WDPCP: variants seen among roughly 807,000 people sequenced by gnomAD.
The protein encoded by WDPCP is WD repeat containing planar cell polarity effector.
Under a neutral mutation model 93.1 loss-of-function variants are expected in WDPCP, and 71 were observed. The ratio of observed to expected loss-of-function variants is 0.76; its 90% CI spans 0.63 to 0.93. The LOEUF (loss-of-function observed/expected upper bound fraction) is 0.93. WDPCP is among the 40% of genes least tolerant of loss of function. The probability of loss-of-function intolerance (pLI) is 0.00; values close to 1 mark genes in which losing one functional copy is unlikely to be tolerated. For synonymous variants in WDPCP, 315 were observed against 315.0 expected, an observed-to-expected ratio of 1.00 and a Z score of 0.00; for missense variants, 844 against 887.4, an observed-to-expected ratio of 0.95 and a Z score of 0.62.
chr2:63,285,671 A>G (rs1248243857), intron 13 of WDPCP, among the ~76,000 whole-genome samples: 1 of 152,198 alleles, frequency 6.6e-6, no homozygotes, highest in African/African-American at 2.4e-5. Flanking sequence ...GGAAAAAGCC[A>G]TTTCATGAAA....
chr2:63,495,065 T>C (rs1356992459), intron 1 of WDPCP, among the ~76,000 whole-genome samples: 1 of 152,122 alleles, frequency 6.6e-6, no homozygotes, highest in African/African-American at 2.4e-5. Context: ...ATTTACTTTC[T>C]TCCGTGCATT....
intron 12 of WDPCP, among the ~76,000 whole-genome samples, chr2:63,331,501 C>T (rs927330075): frequency 1.3e-5 from 2 of 151,990 alleles, no homozygotes; most frequent in African/African-American, 2.4e-5. Context: ...AAAGATATCT[C>T]GAATGTTTTA....
At chr2:63,206,975 C>T (rs1676388792) in intron 14 of WDPCP, among the ~76,000 whole-genome samples, 1 of 152,104 alleles carries the variant, frequency 6.6e-6, no homozygotes, top group African/African-American at 2.4e-5. Context: ...CCATTAAAAA[C>T]TAATTCTCCT....
At chr2:63,126,667 T>TG (rs71410987) in intron 17 of WDPCP, among the ~76,000 whole-genome samples, 4 of 82,964 alleles carry the variant, frequency 4.8e-5, no homozygotes, top group African/African-American at 1.7e-4. Context: ...TTGTTTTGTG[T>TG]TTTTTTTTTT....
intron 2 of WDPCP, among the ~76,000 whole-genome samples, chr2:63,489,907 A>G (rs1700775605): frequency 6.6e-6 from 1 of 152,096 alleles, no homozygotes; most frequent in African/African-American, 2.4e-5. Context: ...GGAGAAGCCG[A>G]GCAGACACTA....
intron 12 of WDPCP, among the ~76,000 whole-genome samples, chr2:63,339,268 G>A (rs1688670352): frequency 1.3e-5 from 2 of 152,176 alleles, no homozygotes; most frequent in East Asian, 3.9e-4. Context: ...CTGCCTCCCG[G>A]GTTCAAGCAA....
At chr2:63,320,473 T>A (rs941616945) in intron 12 of WDPCP, among the ~76,000 whole-genome samples, 4 of 152,044 alleles carry the variant, frequency 2.6e-5, no homozygotes, top group Non-Finnish European at 5.9e-5. Flanking sequence ...AAAGCAAAAA[T>A]TATAACATTT....
chr2:63,393,802 T>G (rs1693485308), intron 10 of WDPCP, among the ~76,000 whole-genome samples: 1 of 151,474 alleles, frequency 6.6e-6, no homozygotes, highest in African/African-American at 2.4e-5. Flanking sequence ...CTTGACAAAG[T>G]CAACAAAAAC....
chr2:63,728,168 AAGTT>A (rs1429623266), intron 2 of WDPCP, among the ~76,000 whole-genome samples: 4 of 152,214 alleles, frequency 2.6e-5, no homozygotes, highest in Non-Finnish European at 4.4e-5. Context: ...AAGAAAAAAG[AAGTT>A]AGAGGAAGAT....
At chr2:63,263,166 T>C (rs1373727809) in intron 13 of WDPCP, among the ~76,000 whole-genome samples, 1 of 152,218 alleles carries the variant, frequency 6.6e-6, no homozygotes, top group East Asian at 1.9e-4. Flanking sequence ...AGTATCTATA[T>C]CACCTCTCAA....
chr2:63,202,635 C>T (rs949583693), intron 14 of WDPCP, among the ~76,000 whole-genome samples: 3 of 152,104 alleles, frequency 2.0e-5, no homozygotes, highest in Non-Finnish European at 4.4e-5. Context: ...AAAGCTGTTG[C>T]TGTGTTATTA....
At position 63,145,396 on chromosome 2, in the gene WDPCP, T is replaced by C. The variant is rs954938846; in HGVS notation, c.2190+7518A>G. Among the ~76,000 whole-genome samples the C allele has an allele frequency of 3.0e-4, 46 of 152,064 alleles. 1 individual carries two copies. The highest frequency in any genetic ancestry group is 8.8e-5 in the Non-Finnish European group (6 of 67,996). On this transcript the variant is annotated intron_variant, in intron 17 of 17. Transcript: ENST00000272321. ...TCAGGTGGGGGTGGGGCTAGGCATG[T>C]CTGAGCTCAGACTCTCCTTGGGCAG...
intron 2 of WDPCP, among the ~76,000 whole-genome samples, chr2:63,683,359 A>G (rs900201968): frequency 6.6e-6 from 1 of 152,238 alleles, no homozygotes; most frequent in Non-Finnish European, 1.5e-5. Context: ...AACACATTTC[A>G]TCTATAAAGA....
chr2:63,460,402 G>A lies in WDPCP; in HGVS notation c.385-20531C>T, dbSNP rs1476736122. ...TTAGATAGAAGAAATAAGTTATAAT[G>A]TTTGATAGCAGAATAGGATGACTAT... On this transcript the variant is annotated intron_variant, in intron 6 of 17. Transcript: ENST00000272321. Among the ~76,000 whole-genome samples the A allele has an allele frequency of 3.3e-5, 5 of 152,272 alleles. No individual in the cohort carries two copies. In the East Asian group the frequency reaches 9.6e-4, roughly 29 times the overall value.
At chr2:63,201,389 G>A (rs553613397) in intron 14 of WDPCP, among the ~76,000 whole-genome samples, 2 of 152,196 alleles carry the variant, frequency 1.3e-5, no homozygotes, top group East Asian at 3.9e-4. Flanking sequence ...AATCATACTT[G>A]CAAACTGGAA....
chr2:63,139,763 G>T (rs1451968079), intron 17 of WDPCP, among the ~76,000 whole-genome samples: 1 of 152,188 alleles, frequency 6.6e-6, no homozygotes, highest in Non-Finnish European at 1.5e-5. Context: ...TCTGTGGGTT[G>T]TCTGTTTATT....
chr2:63,431,089 C>G (rs753657702), intron 9 of WDPCP, among the ~76,000 whole-genome samples: 1 of 152,138 alleles, frequency 6.6e-6, no homozygotes, highest in African/African-American at 2.4e-5. Flanking sequence ...TGTTAAAACT[C>G]GCATTTGGTT....
At chr2:63,733,323 C>T (rs982089188) in intron 2 of WDPCP, among the ~76,000 whole-genome samples, 2 of 149,660 alleles carry the variant, frequency 1.3e-5, no homozygotes, top group African/African-American at 4.9e-5. Context: ...CCTCAGCCTC[C>T]CGAGTAGCTG....
intron 8 of WDPCP, 31 bp from the exon 9 acceptor site, chr2:63,433,967 ATTTCT>A (rs1696955900): frequency 6.2e-7 from 1 of 1,604,000 alleles, no homozygotes; most frequent in Non-Finnish European, 8.5e-7. Context: ...TACATGAAAC[ATTTCT>A]TTTAAAAGAT....
Sources: allele counts gnomAD v4.1 joint callset (sites outside exome capture counted in the v4.1 genomes callset), GRCh38; gene constraint gnomAD v4.1.1; transcripts MANE v1.5; gene names NCBI Gene and HGNC (gene_info 2026-07-23, HGNC 2026-07-21).